Variants in KCNIP4 observed in about 807,000 individuals in gnomAD.
KCNIP4 encodes potassium voltage-gated channel interacting protein 4.
KCNIP4 carries 12 observed loss-of-function variants against 34.0 expected under a neutral mutation model. That is an observed-to-expected ratio of 0.35 (90% CI 0.23 to 0.57). KCNIP4 has a LOEUF of 0.57. Ranked by LOEUF, KCNIP4 falls within the 20% of genes least tolerant of loss-of-function variation. KCNIP4 has a pLI of 0.83. For synonymous variants in KCNIP4, 124 were observed against 102.2 expected, an observed-to-expected ratio of 1.21 and a Z score of -1.29; for missense variants, 238 against 311.7, an observed-to-expected ratio of 0.76 and a Z score of 1.78.
chr4:21,744,128 T>C (rs2109133760), intron 1 of KCNIP4, among the ~76,000 whole-genome samples: 1 of 152,306 alleles, frequency 6.6e-6, no homozygotes, highest in Non-Finnish European at 1.5e-5. Flanking sequence ...AATAAACATT[T>C]TGCAGACCTA....
At chr4:21,059,009 G>A (rs1406593053) in intron 1 of KCNIP4, among the ~76,000 whole-genome samples, 2 of 152,098 alleles carry the variant, frequency 1.3e-5, no homozygotes, top group South Asian at 2.1e-4. Flanking sequence ...TTATGAAGGG[G>A]AATTCCCCTG....
intron 1 of KCNIP4, among the ~76,000 whole-genome samples, chr4:21,878,377 T>C (rs1277487570): frequency 6.6e-6 from 1 of 152,084 alleles, no homozygotes; most frequent in Non-Finnish European, 1.5e-5. Context: ...TACCCGGCCT[T>C]GCCCTTTTGA....
At chr4:21,250,766 C>T (rs908706474) in intron 1 of KCNIP4, among the ~76,000 whole-genome samples, 1 of 151,656 alleles carries the variant, frequency 6.6e-6, no homozygotes, top group Non-Finnish European at 1.5e-5. Context: ...GGAGATCTGA[C>T]CCAGTAGGTA....
chr4:21,655,701 A>G (rs1747866631), intron 1 of KCNIP4, among the ~76,000 whole-genome samples: 2 of 152,196 alleles, frequency 1.3e-5, no homozygotes, highest in Non-Finnish European at 2.9e-5. Context: ...TCTGATCACT[A>G]TCCTACAGAA....
chr4:20,834,714 G>C (rs1013304460), intron 3 of KCNIP4, among the ~76,000 whole-genome samples: 2 of 152,162 alleles, frequency 1.3e-5, no homozygotes, highest in African/African-American at 4.8e-5. Context: ...CATGGCATAA[G>C]GGCAAGAAGG....
chr4:20,734,005 A>G (rs1390716653), intron 6 of KCNIP4, among the ~76,000 whole-genome samples: 1 of 152,140 alleles, frequency 6.6e-6, no homozygotes, highest in African/African-American at 2.4e-5. Flanking sequence ...AGGCAAAGAG[A>G]GACAGGACAT....
chr4:21,126,136 C>A (rs956149799), intron 1 of KCNIP4, among the ~76,000 whole-genome samples: 1 of 152,004 alleles, frequency 6.6e-6, no homozygotes, highest in Admixed American at 6.6e-5. Flanking sequence ...TTTTCCATGA[C>A]CTTTTACCAA....
At chr4:21,252,882 T>A (rs949287080) in intron 1 of KCNIP4, among the ~76,000 whole-genome samples, 1 of 151,748 alleles carries the variant, frequency 6.6e-6, no homozygotes, top group Non-Finnish European at 1.5e-5. Context: ...TCCTAAAAGA[T>A]AAGCACTGAG....
intron 1 of KCNIP4, among the ~76,000 whole-genome samples, chr4:21,672,901 A>G (rs1343942515): frequency 6.6e-6 from 1 of 152,248 alleles, no homozygotes; most frequent in South Asian, 2.1e-4. Flanking sequence ...TGGCTCATGC[A>G]CAAGACTGTT....
intron 1 of KCNIP4, among the ~76,000 whole-genome samples, chr4:21,926,467 T>C (rs1035839313): frequency 5.9e-5 from 9 of 152,198 alleles, no homozygotes; most frequent in African/African-American, 2.2e-4. Context: ...ATTTGAATCA[T>C]TGAGAAGAAT....
In KCNIP4 at chr4:21,871,249, C is replaced by A. The variant is rs1393365011; in HGVS notation, c.61+77322G>T. Among the ~76,000 whole-genome samples, 15 of 117,726 alleles carry A rather than the reference C, an allele frequency of 1.3e-4. 1 individual carries two copies. Among genetic ancestry groups the A allele is most frequent in the African/African-American group, 2.2e-4 (7 of 32,146 alleles). The allele number at this position is 117,726 out of a possible 152,430, so 77.2% of individuals were successfully genotyped here. A position where few individuals can be genotyped will look rare whatever the true frequency, so the allele number is the denominator to read the frequency against. ...CCTAATGCTATCCCTCCCCCCTCCC[C>A]CCTCCCCGCTCCCCACCTCCCCCCA... On this transcript the variant is annotated intron_variant, in intron 1 of 8. Coordinates refer to ENST00000382152, the MANE Select transcript of KCNIP4 (RefSeq NM_025221.6).
At position 21,611,179 on chromosome 4, in the gene KCNIP4, T is replaced by C. The variant is rs187689003; in HGVS notation, c.61+337392A>G. ...TTTTTTATGGCTGCATAGTATTCCA[T>C]GGTGTATATGTGTCACATTTTCTTT... On this transcript the variant is annotated intron_variant, in intron 1 of 8. Coordinates refer to ENST00000382152, the MANE Select transcript of KCNIP4 (RefSeq NM_025221.6). 6.7e-4 allele frequency among the ~76,000 whole-genome samples: 102 copies of C among 152,298 alleles called. 2 individuals are homozygous for C. The East Asian group carries it at 0.019, about 29-fold the overall frequency.
At chr4:21,451,229 C>G (rs117729503) in intron 1 of KCNIP4, among the ~76,000 whole-genome samples, 1 of 152,040 alleles carries the variant, frequency 6.6e-6, no homozygotes, top group African/African-American at 2.4e-5. Flanking sequence ...TAATGAGCAA[C>G]GAGATCTCTT....
intron 1 of KCNIP4, among the ~76,000 whole-genome samples, chr4:21,446,768 A>C (rs535152870): frequency 2.0e-4 from 30 of 152,228 alleles, no homozygotes; most frequent in African/African-American, 7.2e-4. Flanking sequence ...TATAATAAAA[A>C]AAAATTATTC....
intron 1 of KCNIP4, among the ~76,000 whole-genome samples, chr4:21,500,228 G>A (rs1477185340): frequency 3.9e-5 from 6 of 152,100 alleles, no homozygotes; most frequent in East Asian, 3.9e-4. Context: ...TATTCATCTC[G>A]AAAATGCATG....
intron 1 of KCNIP4, among the ~76,000 whole-genome samples, chr4:21,792,495 CAGA>C (rs1315794927): frequency 3.3e-5 from 5 of 152,154 alleles, no homozygotes; most frequent in Non-Finnish European, 7.3e-5. Context: ...AATAATGGAA[CAGA>C]TGCTGTGTGT....
intron 5 of KCNIP4, among the ~76,000 whole-genome samples, chr4:20,744,894 GTTCAC>G (rs1366254636): frequency 6.6e-6 from 1 of 152,196 alleles, no homozygotes; most frequent in Non-Finnish European, 1.5e-5. Context: ...TTCTGTGGAA[GTTCAC>G]TTCATCTCTG....
At chr4:21,706,679 AT>A (rs1340180950) in intron 1 of KCNIP4, among the ~76,000 whole-genome samples, 1 of 152,138 alleles carries the variant, frequency 6.6e-6, no homozygotes, top group Non-Finnish European at 1.5e-5. Flanking sequence ...GAGTGTAGTG[AT>A]TCCCAAGAAG....
chr4:21,740,383 T>G (rs1462518315), intron 1 of KCNIP4, among the ~76,000 whole-genome samples: 2 of 152,058 alleles, frequency 1.3e-5, no homozygotes, highest in African/African-American at 2.4e-5. Context: ...CTTCCCTCTT[T>G]TCATTCCTTT....
Sources: allele counts gnomAD v4.1 joint callset (sites outside exome capture counted in the v4.1 genomes callset), GRCh38; gene constraint gnomAD v4.1.1; transcripts MANE v1.5; gene names NCBI Gene and HGNC (gene_info 2026-07-23, HGNC 2026-07-21).